Variants in CC2D1B observed in about 807,000 individuals in gnomAD.
CC2D1B encodes coiled-coil and C2 domain-containing protein 1B.
CC2D1B carries 92 observed loss-of-function variants against 110.8 expected under a neutral mutation model. The observed-to-expected ratio is 0.83, with a 90% CI of 0.70 to 0.99. The LOEUF is 0.99. Ranked by LOEUF, CC2D1B falls within the 50% of genes least tolerant of loss-of-function variation. The probability of loss-of-function intolerance (pLI) is 0.00; values close to 1 mark genes in which losing one functional copy is unlikely to be tolerated. For synonymous variants in CC2D1B, 406 were observed against 429.2 expected (o/e 0.95, Z 0.67); for missense variants, 1,136 against 1,089.0 (o/e 1.04, Z -0.61).
chr1:52,350,749 ATTTGTG>A lies in CC2D1B; in HGVS notation c.*2470_*2475del, dbSNP rs1557534042. The A allele has an allele frequency of 6.6e-6, 1 of 152,044 alleles. No homozygotes were observed. Among genetic ancestry groups the A allele is most frequent in the Non-Finnish European group, 1.5e-5 (1 of 68,002 alleles). The allele number at this position is 152,044 out of a possible 1,614,324, so 9.4% of individuals were successfully genotyped here. ...CTAATCTCCAATGTTTGGATACTGTATTTGTGTTTGTTTTGAGACAGAGTCTTGCTC... is the reference window on the plus strand; with the variant it reads ...CTAATCTCCAATGTTTGGATACTGTATTTGTTTTGAGACAGAGTCTTGCTC... On this transcript the variant is annotated 3_prime_UTR_variant, in exon 25 of 25. Coordinates refer to ENST00000284376, the MANE Select transcript of CC2D1B (RefSeq NM_001330585.2).
At chr1:52,362,992 C>A (rs1001306228) in intron 2 of CC2D1B, among the ~76,000 whole-genome samples, 4 of 152,244 alleles carry the variant, frequency 2.6e-5, no homozygotes, top group Admixed American at 2.6e-4. Flanking sequence ...ATTTAAAACA[C>A]ACTACCATTA....
intron 2 of CC2D1B, among the ~76,000 whole-genome samples, chr1:52,363,092 GAGA>G (rs1361208715): frequency 1.2e-4 from 19 of 152,198 alleles, no homozygotes; most frequent in South Asian, 2.1e-4. Context: ...TCACAATTCT[GAGA>G]AGAAGGTCCT....
Position 52,355,443 on chromosome 1 carries a change from C to A in CC2D1B, c.2194G>T (p.Ala732Ser). Residue 732 changes from alanine (A) to serine (S), a missense_variant, in exon 21 of 25, where the codon GCT (alanine) becomes TCT (serine). Transcript: ENST00000284376. ...FEFHYPNSDQ[A>S]QKSKTAVVKN... Reference sequence around the variant, plus strand: ...ACCACAGCTGTTTTGCTTTTTTGAGCCTGGTCCTAAGCAGTGAGGAGGGAG... The same window carrying A: ...ACCACAGCTGTTTTGCTTTTTTGAGACTGGTCCTAAGCAGTGAGGAGGGAG... 1 of 1,614,106 alleles carries A rather than the reference C, an allele frequency of 6.2e-7. No homozygotes were observed. Among genetic ancestry groups the A allele is most frequent in the Non-Finnish European group, 8.5e-7 (1 of 1,180,020 alleles).
chr1:52,357,059 G>A lies in CC2D1B; in HGVS notation c.1820C>T (p.Ser607Phe), dbSNP rs1646668291. 2 of 1,607,494 alleles carry A rather than the reference G, an allele frequency of 1.2e-6. No individual in the cohort carries two copies. Among genetic ancestry groups the A allele is most frequent in the East Asian group, 2.2e-5 (1 of 44,670 alleles). ...ILIHHEDLRL[S>F]QKAEEVYAQL... ...GGCATACACCTCCTCCGCCTTCTGGGAGAGTCGCAGGTCCTCATGGTGGAT... is the reference window on the plus strand; with the variant it reads ...GGCATACACCTCCTCCGCCTTCTGGAAGAGTCGCAGGTCCTCATGGTGGAT... Residue 607 changes from serine to phenylalanine, a missense_variant, in exon 16 of 25, where the codon TCC becomes TTC. Physicochemically the swap from Ser to Phe is radical, Grantham distance 155. Transcript: ENST00000284376.
rs1427610727 is a variant in CC2D1B, at chr1:52,353,107, C to G, written c.*118G>C. 2 of 1,071,570 alleles carry G rather than the reference C, an allele frequency of 1.9e-6. No individual in the cohort carries two copies. The highest frequency in any genetic ancestry group is 2.6e-5 in the South Asian group (2 of 76,204). 66.4% of individuals were successfully genotyped at this position (1,071,570 alleles called of 1,614,324 possible). Reference sequence around the variant, plus strand: ...TCAGTAGTGCACATGCTTAACAGGTCTTTGGTGCTTGGGTAGCAGCATCTC... The same window carrying G: ...TCAGTAGTGCACATGCTTAACAGGTGTTTGGTGCTTGGGTAGCAGCATCTC... On this transcript the variant is annotated 3_prime_UTR_variant, in exon 25 of 25. Transcript: ENST00000284376.
intron 12 of CC2D1B, 42 bp from the exon 13 acceptor site, chr1:52,358,503 C>CA: frequency 6.2e-7 from 1 of 1,611,218 alleles, no homozygotes; most frequent in Non-Finnish European, 8.5e-7. Flanking sequence ...GGAGCAGCCT[C>CA]AGAGAAGCAC....
At position 52,359,832 on chromosome 1, in the gene CC2D1B, A is replaced by G; in HGVS notation, c.815T>C (p.Val272Ala). 2 of 1,612,068 alleles carry G rather than the reference A, an allele frequency of 1.2e-6. No homozygotes were observed. The highest frequency in any genetic ancestry group is 2.2e-5 in the South Asian group (2 of 90,526). The change falls in exon 8 of 25, where the codon GTT (valine) becomes GCT (alanine). Residue 272 changes from valine (V) to alanine (A), a missense_variant. Transcript: ENST00000284376. Reference protein sequence around the residue: ...TSLPGISAQPVSDLDPDPRAL... With the variant: ...TSLPGISAQPASDLDPDPRAL... ...CCGCGGGTCTGGGTCTAAGTCTGAA[A>G]CGGGCTGGGCAGAAATGCCAGGGAG...
chr1:52,360,089 G>C lies in CC2D1B; in HGVS notation c.748C>G (p.Pro250Ala). The change falls in exon 7 of 25, where the codon CCT (proline) becomes GCT (alanine). Residue 250 changes from proline (P) to alanine (A), a missense_variant. By Grantham distance (27) the Pro-to-Ala change is conservative. Transcript: ENST00000284376. ...RSPETDPPAP[P>A]ALESDNPSQP... ...CTGCAGATACCTGACTCCAAGGCAGGGGGAGCTGGAGGGTCTGTCTCAGGG... is the reference window on the plus strand; with the variant it reads ...CTGCAGATACCTGACTCCAAGGCAGCGGGAGCTGGAGGGTCTGTCTCAGGG... 6.3e-7 allele frequency: 1 copy of C among 1,584,780 alleles called. No homozygotes were observed. The highest frequency in any genetic ancestry group is 1.2e-5 in the South Asian group (1 of 86,202).
Position 52,354,835 on chromosome 1 carries a change from C to CT in CC2D1B, c.2339+4dup, listed in dbSNP as rs1381556275. 2 of 1,613,690 alleles carry CT rather than the reference C, an allele frequency of 1.2e-6. No homozygotes were observed. Among genetic ancestry groups the CT allele is most frequent in the African/African-American group, 1.3e-5 (1 of 74,916 alleles). On this transcript the variant is annotated splice_donor_region_variant and intron_variant, in intron 22 of 24. Transcript: ENST00000284376. ...GTGTGGCAGCATGACCGATAGGAGC[C>CT]TCACCCTTTGTGGAAGATCTCAAAC...
intron 4 of CC2D1B, 90 bp downstream of exon 4, chr1:52,361,423 G>A (rs1260776268): frequency 3.8e-6 from 6 of 1,581,286 alleles, no homozygotes; most frequent in Non-Finnish European, 5.2e-6. Context: ...AGAGAATACA[G>A]GGGCACCCCC....
intron 24 of CC2D1B, 33 bp downstream of exon 24, chr1:52,353,485 G>T: frequency 1.3e-6 from 2 of 1,584,616 alleles, no homozygotes; most frequent in Non-Finnish European, 1.7e-6. Context: ...AAAGGAGGGG[G>T]CAAAGGTTCT....
chr1:52,353,850 T>A (rs1646581923), intron 23 of CC2D1B: 1 of 512,332 alleles, frequency 2.0e-6, no homozygotes, highest in African/African-American at 1.9e-5. Context: ...ATTAAAAAAG[T>A]AATAAATAAA....
At chr1:52,361,818 A>C (rs1294944082) in intron 3 of CC2D1B, among the ~76,000 whole-genome samples, 1 of 152,102 alleles carries the variant, frequency 6.6e-6, no homozygotes. Flanking sequence ...ACCAAGCAAC[A>C]AGCTGCTCCT....
chr1:52,356,145 C>G (rs375033346), intron 18 of CC2D1B, 41 bp downstream of exon 18: 32 of 1,530,808 alleles, frequency 2.1e-5, no homozygotes, highest in Non-Finnish European at 2.7e-5. Context: ...AGCCTCCTGC[C>G]CCTCCCTGCC....
intron 2 of CC2D1B, 94 bp from the exon 3 acceptor site, chr1:52,362,840 T>G (rs1646811721): frequency 3.0e-6 from 4 of 1,311,876 alleles, no homozygotes; most frequent in Non-Finnish European, 4.3e-6. Flanking sequence ...TCCCAATCAG[T>G]GGCTCCTTCA....
At chr1:52,363,060 T>G (rs577769989) in intron 2 of CC2D1B, among the ~76,000 whole-genome samples, 85 of 152,356 alleles carry the variant, frequency 5.6e-4, no homozygotes, top group Non-Finnish European at 7.3e-5. Context: ...TATGTGATTA[T>G]CTTAACCACC....
In CC2D1B at chr1:52,357,597, G is replaced by T; in HGVS notation, c.1681C>A (p.Leu561Met). Residue 561 changes from leucine to methionine, a missense_variant, in exon 15 of 25, where the codon CTG becomes ATG. Transcript: ENST00000284376. ...SQDLEQAKAYLRVAKWLEAQI... is the reference protein window; with the variant it reads ...SQDLEQAKAYMRVAKWLEAQI... ...GCCTCAAGCCATTTGGCTACCCGCA[G>T]ATAGGCTTTGGCCTGCTCCAGGTCC... is the stretch of plus-strand genomic sequence containing the variant. 6.3e-7 allele frequency: 1 copy of T among 1,587,892 alleles called. No homozygotes were observed. The highest frequency in any genetic ancestry group is 8.6e-7 in the Non-Finnish European group (1 of 1,166,100).
rs141862679 is a variant in CC2D1B at position 52,351,932 on chromosome 1, A to T, written c.*1293T>A. 6.6e-6 allele frequency: 1 copy of T among 151,904 alleles called. No homozygotes were observed. Among genetic ancestry groups the T allele is most frequent in the African/African-American group, 2.4e-5 (1 of 41,412 alleles). The allele number at this position is 151,904 out of a possible 1,614,324, so 9.4% of individuals were successfully genotyped here. A position where few individuals can be genotyped will look rare whatever the true frequency, so the allele number is the denominator to read the frequency against. ...CGGCCAGAGGGCTCATGGGGAAAAA[A>T]GTCACTTGTGTGTAGTTCCCGCTCT... is the stretch of plus-strand genomic sequence containing the variant. On this transcript the variant is annotated 3_prime_UTR_variant, in exon 25 of 25. Coordinates refer to ENST00000284376, the MANE Select transcript of CC2D1B (RefSeq NM_001330585.2).
Position 52,357,038 on chromosome 1 carries a change from T to G in CC2D1B, c.1841A>C (p.Tyr614Ser). ...CAGAAGCATTTTTTGCAGCTGGGCA[T>G]ACACCTCCTCCGCCTTCTGGGAGAG... ...LRLSQKAEEV[Y>S]AQLQKMLLEQ... Residue 614 changes from tyrosine to serine, a missense_variant, in exon 16 of 25, where the codon TAT becomes TCT. Tyr to Ser is a moderately radical substitution (Grantham distance 144, BLOSUM62 -2). Transcript: ENST00000284376. 1.3e-6 allele frequency: 2 copies of G among 1,585,902 alleles called. No homozygotes were observed. The highest frequency in any genetic ancestry group is 1.7e-6 in the Non-Finnish European group (2 of 1,165,458).
Sources: allele counts gnomAD v4.1 joint callset (sites outside exome capture counted in the v4.1 genomes callset), GRCh38; gene constraint gnomAD v4.1.1; transcripts MANE v1.5; gene names NCBI Gene and HGNC (gene_info 2026-07-23, HGNC 2026-07-21).